Variants in ROBO2 observed in about 807,000 individuals in gnomAD.
ROBO2 encodes roundabout homolog 2.
A neutral mutation model predicts 160.8 loss-of-function variants in ROBO2; 53 were observed. That is an observed-to-expected ratio of 0.33 (90% CI 0.26 to 0.41). The LOEUF is 0.41. ROBO2 is among the 10% of genes least tolerant of loss of function. The pLI, the probability that ROBO2 is intolerant of heterozygous loss-of-function variation, is 1.00. For missense variants in ROBO2, 1,577 were observed against 1,722.4 expected (o/e 0.92, Z 1.49); for synonymous variants, 664 against 611.7 (o/e 1.09, Z -1.26).
chr3:76,233,346 G>A (rs964313076), intron 2 of ROBO2, among the ~76,000 whole-genome samples: 5 of 152,030 alleles, frequency 3.3e-5, no homozygotes, highest in Admixed American at 2.6e-4. Flanking sequence ...GTTTCACCAC[G>A]TTGGCCAGGC....
intron 2 of ROBO2, among the ~76,000 whole-genome samples, chr3:76,154,424 C>T (rs1330664321): frequency 6.6e-6 from 1 of 152,042 alleles, no homozygotes; most frequent in Non-Finnish European, 1.5e-5. Flanking sequence ...TAGAAAAGTT[C>T]ACGAGAGCAC....
At chr3:76,549,503 A>C (rs1013500680) in intron 2 of ROBO2, among the ~76,000 whole-genome samples, 1 of 152,192 alleles carries the variant, frequency 6.6e-6, no homozygotes, top group African/African-American at 2.4e-5. Context: ...TGGTGATAGA[A>C]TTTTTAAATT....
chr3:77,448,887 A>G (rs894748117), intron 2 of ROBO2, among the ~76,000 whole-genome samples: 20 of 152,106 alleles, frequency 1.3e-4, no homozygotes, highest in Non-Finnish European at 4.4e-5. Flanking sequence ...TATGTGAAAA[A>G]AAATCACATG....
chr3:76,155,451 A>G (rs192715605), intron 2 of ROBO2, among the ~76,000 whole-genome samples: 13 of 152,298 alleles, frequency 8.5e-5, no homozygotes, highest in African/African-American at 3.1e-4. Flanking sequence ...AAGATAGAAC[A>G]AAGTTTACAA....
At chr3:76,921,588 G>T (rs2076665993) in intron 2 of ROBO2, among the ~76,000 whole-genome samples, 1 of 152,116 alleles carries the variant, frequency 6.6e-6, no homozygotes, top group Non-Finnish European at 1.5e-5. Context: ...CTCCAGCCTG[G>T]GTGACAGAGC....
At chr3:77,000,908 G>T (rs924231721) in intron 2 of ROBO2, among the ~76,000 whole-genome samples, 4 of 152,076 alleles carry the variant, frequency 2.6e-5, no homozygotes, top group African/African-American at 9.7e-5. Flanking sequence ...ATAATAAAAT[G>T]CTTTAGATAC....
intron 2 of ROBO2, chr3:77,317,564 C>T: frequency 4.4e-6 from 6 of 1,368,430 alleles, no homozygotes; most frequent in Non-Finnish European, 6.1e-6. Flanking sequence ...GAAGACATCC[C>T]TAGCAGATTT....
chr3:77,428,018 C>T (rs1022452005), intron 2 of ROBO2, among the ~76,000 whole-genome samples: 6 of 152,096 alleles, frequency 3.9e-5, no homozygotes, highest in African/African-American at 1.4e-4. Flanking sequence ...TTATTGAATT[C>T]TAGCTGTGAT....
At chr3:77,313,749 T>C (rs546387145) in intron 2 of ROBO2, among the ~76,000 whole-genome samples, 1 of 152,200 alleles carries the variant, frequency 6.6e-6, no homozygotes, top group South Asian at 2.1e-4. Flanking sequence ...CACGCCCAGC[T>C]AATTTTGTAT....
At chr3:76,099,813 AC>A (rs1267352720) in intron 2 of ROBO2, among the ~76,000 whole-genome samples, 2 of 151,972 alleles carry the variant, frequency 1.3e-5, no homozygotes, top group African/African-American at 4.8e-5. Flanking sequence ...GTGTGATAGG[AC>A]TCTTCAGGCT....
At chr3:76,940,047 C>T (rs1352416673) in intron 2 of ROBO2, among the ~76,000 whole-genome samples, 1 of 139,384 alleles carries the variant, frequency 7.2e-6, no homozygotes, top group Non-Finnish European at 1.5e-5. Flanking sequence ...GGTGGCGCTA[C>T]CTCGGCTCAC....
intron 2 of ROBO2, among the ~76,000 whole-genome samples, chr3:76,706,436 T>C (rs2093165267): frequency 6.6e-6 from 1 of 152,052 alleles, no homozygotes; most frequent in Non-Finnish European, 1.5e-5. Context: ...ACTTTTGAGG[T>C]TGGAAAGGAA....
exon 1 of ROBO2, chr3:77,040,414 T>C: frequency 1.9e-6 from 2 of 1,038,928 alleles, no homozygotes; most frequent in Non-Finnish European, 2.3e-6. Context: ...GGTCTTTTCC[T>C]CCCCCTTCAT....
In ROBO2 at chr3:77,386,603, A is replaced by ATTTTTTT. The variant is rs71104679; in HGVS notation, c.389-90800_389-90794dup. 4.7e-4 allele frequency among the ~76,000 whole-genome samples: 43 copies of ATTTTTTT among 91,896 alleles called. 14 individuals carry two copies. Among genetic ancestry groups the ATTTTTTT allele is most frequent in the Middle Eastern group, 8.2e-3 (1 of 122 alleles). 60.3% of individuals were successfully genotyped at this position (91,896 alleles called of 152,430 possible). ...AGTTAATTATTTTTTCAGCCAGGTA[A>ATTTTTTT]TTTTTTTTTTTTTTTTTGAAATAGA... On this transcript the variant is annotated intron_variant, in intron 2 of 25. Coordinates refer to ENST00000461745, the Ensembl canonical transcript of ROBO2.
intron 2 of ROBO2, among the ~76,000 whole-genome samples, chr3:76,679,729 T>A (rs2106889335): frequency 6.6e-6 from 1 of 152,324 alleles, no homozygotes; most frequent in South Asian, 2.1e-4. Context: ...AGGTAACATA[T>A]AATTATGTAG....
intron 2 of ROBO2, among the ~76,000 whole-genome samples, chr3:76,485,299 C>T (rs994373095): frequency 1.3e-5 from 2 of 151,970 alleles, no homozygotes; most frequent in Admixed American, 6.6e-5. Flanking sequence ...ACAAGGAGCA[C>T]GCAATCTAGG....
At chr3:77,412,152 G>C (rs771974891) in intron 2 of ROBO2, among the ~76,000 whole-genome samples, 1 of 152,190 alleles carries the variant, frequency 6.6e-6, no homozygotes, top group South Asian at 2.1e-4. Context: ...GGCAGTGCTT[G>C]CACGATCATT....
At chr3:76,237,003 T>C (rs1704988240) in intron 2 of ROBO2, among the ~76,000 whole-genome samples, 1 of 152,108 alleles carries the variant, frequency 6.6e-6, no homozygotes, top group Admixed American at 6.5e-5. Context: ...GTTAATAGAG[T>C]AGAACTTCAG....
chr3:77,205,775 A>T (rs929822924), intron 2 of ROBO2, among the ~76,000 whole-genome samples: 2 of 152,170 alleles, frequency 1.3e-5, no homozygotes, highest in Admixed American at 6.5e-5. Flanking sequence ...TTCAAAGATA[A>T]GGAACTCACT....
Sources: gnomAD v4.1 joint callset for allele counts (sites outside exome capture counted in the v4.1 genomes callset) on GRCh38, gnomAD v4.1.1 for gene constraint, MANE v1.5 for transcripts, NCBI Gene and HGNC (gene_info 2026-07-23, HGNC 2026-07-21) for gene names.